CTBP2: variants seen among roughly 807,000 people sequenced by gnomAD.
CTBP2 encodes the protein C-terminal-binding protein 2.
CTBP2 carries 30 observed loss-of-function variants against 80.3 expected under a neutral mutation model. That is an observed-to-expected ratio of 0.37 (90% CI 0.28 to 0.51). CTBP2 has a LOEUF of 0.51. CTBP2 is among the 20% of genes least tolerant of loss of function. The pLI is 0.93. For synonymous variants in CTBP2, 594 were observed against 587.4 expected, an observed-to-expected ratio of 1.01 and a Z score of -0.16; for missense variants, 1,212 against 1,375.3, an observed-to-expected ratio of 0.88 and a Z score of 1.88.
upstream of CTBP2, among the ~76,000 whole-genome samples, chr10:125,032,258 C>T (rs771998179): frequency 3.3e-5 from 5 of 152,188 alleles, no homozygotes; most frequent in Non-Finnish European, 5.9e-5. Context: ...ACGCTCCGCA[C>T]AGTAGGTGCT....
chr10:125,003,954 G>A (rs1027420266), intron 1 of CTBP2, among the ~76,000 whole-genome samples: 7 of 152,236 alleles, frequency 4.6e-5, no homozygotes, highest in Admixed American at 2.0e-4. Flanking sequence ...TCTCACCTGC[G>A]CTGGGTGAGG....
chr10:125,090,773 TAAC>T (rs869304501), intron 2 of CTBP2, among the ~76,000 whole-genome samples: 10 of 150,920 alleles, frequency 6.6e-5, no homozygotes, highest in Admixed American at 6.6e-4. Context: ...AATAAATAAA[TAAC>T]AAAACAAAAC....
intron 2 of CTBP2, among the ~76,000 whole-genome samples, chr10:125,054,319 A>C (rs1448491471): frequency 6.6e-6 from 1 of 152,174 alleles, no homozygotes; most frequent in Non-Finnish European, 1.5e-5. Flanking sequence ...GACTGTGGCT[A>C]CCAGTGTGGG....
intron 1 of CTBP2, among the ~76,000 whole-genome samples, chr10:125,153,824 A>G (rs1860444613): frequency 6.6e-6 from 1 of 152,216 alleles, no homozygotes; most frequent in Non-Finnish European, 1.5e-5. Context: ...CCATGACTCC[A>G]TAATAAAGTT....
intron 3 of CTBP2, among the ~76,000 whole-genome samples, chr10:125,033,931 A>G (rs1958545404): frequency 6.6e-6 from 1 of 152,128 alleles, no homozygotes; most frequent in Admixed American, 6.5e-5. Flanking sequence ...TAGGGGCAGG[A>G]GCTGAAAACC....
At chr10:125,041,778 C>T (rs1301830273) in intron 2 of CTBP2, among the ~76,000 whole-genome samples, 4 of 152,278 alleles carry the variant, frequency 2.6e-5, no homozygotes, top group Admixed American at 6.5e-5. Flanking sequence ...CCCCAACCCC[C>T]GAGTGAGGCG....
At position 125,026,897 on chromosome 10, in the gene CTBP2, G is replaced by A. The variant is rs74163315; in HGVS notation, c.863C>T (p.Thr288Ile). ...AAAGGCCAGGAACTCAGGGAGCACG[G>A]TCCTCTTGCCACCAGGACCCTGGAA... The change falls in exon 1 of 9, where the codon ACC becomes ATC. Residue 288 changes from threonine (T) to isoleucine (I), a missense_variant. Transcript: ENST00000309035. The A allele has an allele frequency of 2.6e-4, 415 of 1,614,020 alleles. No individual in the cohort carries two copies. In the African/African-American group the frequency reaches 4.9e-3, roughly 19 times the overall value.
At chr10:125,114,479 A>C (rs925471516) in intron 1 of CTBP2, among the ~76,000 whole-genome samples, 2 of 151,988 alleles carry the variant, frequency 1.3e-5, no homozygotes, top group Non-Finnish European at 2.9e-5. Flanking sequence ...ACATATAGGA[A>C]ACTCACAACT....
chr10:125,031,665 C>T (rs1242338406), upstream of CTBP2, among the ~76,000 whole-genome samples: 2 of 152,132 alleles, frequency 1.3e-5, no homozygotes, highest in Non-Finnish European at 2.9e-5. Flanking sequence ...TTAAAGCAGC[C>T]TTCGTCTAAA....
intron 1 of CTBP2, among the ~76,000 whole-genome samples, chr10:125,022,531 G>A (rs1010858365): frequency 6.6e-6 from 1 of 152,214 alleles, no homozygotes; most frequent in Admixed American, 6.5e-5. Context: ...AGGTCAATGA[G>A]GAAGGAAGGA....
chr10:125,023,810 A>G (rs1207797435), intron 1 of CTBP2, among the ~76,000 whole-genome samples: 5 of 152,224 alleles, frequency 3.3e-5, no homozygotes, highest in Non-Finnish European at 5.9e-5. Context: ...ATCCGAAAAT[A>G]AAATAGATAC....
At chr10:125,130,619 T>C (rs1469670988) in intron 1 of CTBP2, among the ~76,000 whole-genome samples, 2 of 152,180 alleles carry the variant, frequency 1.3e-5, no homozygotes. Context: ...GTATTAAGTA[T>C]AGAAAATACA....
chr10:125,039,551 A>G (rs761773481), intron 2 of CTBP2, among the ~76,000 whole-genome samples: 1 of 152,254 alleles, frequency 6.6e-6, no homozygotes, highest in Non-Finnish European at 1.5e-5. Flanking sequence ...ACTGAGATGC[A>G]GACGCACACC....
intron 1 of CTBP2, among the ~76,000 whole-genome samples, chr10:125,012,860 A>C (rs910408628): frequency 7.0e-6 from 1 of 142,282 alleles, no homozygotes; most frequent in Non-Finnish European, 1.6e-5. Flanking sequence ...GATTACAGGC[A>C]TGAGCCACCG....
intron 2 of CTBP2, among the ~76,000 whole-genome samples, chr10:125,070,677 A>G (rs1198295047): frequency 6.6e-6 from 1 of 151,880 alleles, no homozygotes; most frequent in East Asian, 1.9e-4. Context: ...AATTTTTTCT[A>G]TTTTTTGAGA....
chr10:125,094,801 T>C (rs1849308434), intron 2 of CTBP2, among the ~76,000 whole-genome samples: 1 of 151,722 alleles, frequency 6.6e-6, no homozygotes, highest in Non-Finnish European at 1.5e-5. Context: ...GAATCGTAAG[T>C]TGAAGTCTCT....
At chr10:124,991,563 C>T (rs1476682490) in intron 8 of CTBP2, among the ~76,000 whole-genome samples, 1 of 152,186 alleles carries the variant, frequency 6.6e-6, no homozygotes, top group African/African-American at 2.4e-5. Flanking sequence ...GCCTTCATTA[C>T]ACAAACTGAA....
Position 124,997,728 on chromosome 10 carries a change from A to G in CTBP2, c.2185+236T>C, listed in dbSNP as rs187030583. ...AGCAAAGAATGCTGTCCTGCCAGAC[A>G]CTACAGACAGCAGTGGACACGCATT... On this transcript the variant is annotated intron_variant, in intron 4 of 8. Coordinates refer to ENST00000309035, the MANE Select transcript of CTBP2 (RefSeq NM_022802.3). 1.2e-3 allele frequency: 661 copies of G among 568,640 alleles called. 3 individuals are homozygous for G. The highest frequency in any genetic ancestry group is 2.3e-3 in the Admixed American group (70 of 30,338). 35.2% of individuals were successfully genotyped at this position (568,640 alleles called of 1,614,324 possible). A position where few individuals can be genotyped will look rare whatever the true frequency, so the allele number is the denominator to read the frequency against.
intron 1 of CTBP2, among the ~76,000 whole-genome samples, chr10:125,005,352 G>A (rs1285057362): frequency 6.6e-6 from 1 of 152,174 alleles, no homozygotes. Flanking sequence ...TCAGCCCTGA[G>A]CGGCAGCTGC....
Sources: gnomAD v4.1 joint callset for allele counts (sites outside exome capture counted in the v4.1 genomes callset) on GRCh38, gnomAD v4.1.1 for gene constraint, MANE v1.5 for transcripts, NCBI Gene and HGNC (gene_info 2026-07-23, HGNC 2026-07-21) for gene names.